The following MALRD1 variants were observed in gnomAD, a reference collection of about 807,000 sequenced individuals.
The protein encoded by MALRD1 is MAM and LDL-receptor class A domain-containing protein 1.
A neutral mutation model predicts 242.1 loss-of-function variants in MALRD1; 247 were observed. The observed-to-expected ratio is 1.02, with a 90% CI of 0.92 to 1.13. MALRD1 has a LOEUF of 1.13. Ranked by LOEUF, MALRD1 falls within the 50% of genes most tolerant of loss-of-function variation. The probability of loss-of-function intolerance (pLI) is 0.00; values close to 1 mark genes in which losing one functional copy is unlikely to be tolerated. For missense variants in MALRD1, 2,989 were observed against 2,533.1 expected, an observed-to-expected ratio of 1.18 and a Z score of -3.86; for synonymous variants, 995 against 866.6, an observed-to-expected ratio of 1.15 and a Z score of -2.60.
intron 5 of MALRD1, among the ~76,000 whole-genome samples, chr10:19,114,170 T>A (rs1212089216): frequency 6.6e-6 from 1 of 152,174 alleles, no homozygotes; most frequent in African/African-American, 2.4e-5. Flanking sequence ...TGTTTTAGTA[T>A]GAAAAATGAA....
At chr10:19,375,011 A>G (rs958203590) in intron 26 of MALRD1, among the ~76,000 whole-genome samples, 1 of 152,154 alleles carries the variant, frequency 6.6e-6, no homozygotes. Context: ...AATGGTCACA[A>G]AGTGAAATGG....
At chr10:19,248,157 G>T (rs1156603620) in intron 18 of MALRD1, among the ~76,000 whole-genome samples, 1 of 151,980 alleles carries the variant, frequency 6.6e-6, no homozygotes, top group Non-Finnish European at 1.5e-5. Context: ...TACATACTAA[G>T]GTTGCTGTTT....
Position 19,125,443 on chromosome 10 carries a change from C to T in MALRD1, c.943+773C>T, listed in dbSNP as rs75845416. ...CTTCCTTCTTTCTTTCTTTCTTTCTCTCTTTCAACACTGCTCTGTTGTCAA... is the reference window on the plus strand; with the variant it reads ...CTTCCTTCTTTCTTTCTTTCTTTCTTTCTTTCAACACTGCTCTGTTGTCAA... On this transcript the variant is annotated intron_variant, in intron 7 of 39. Transcript: ENST00000454679. 1.3e-4 allele frequency among the ~76,000 whole-genome samples: 18 copies of T among 140,876 alleles called. 1 individual carries two copies. The South Asian group carries it at 3.3e-3, about 26-fold the overall frequency. 92.4% of individuals were successfully genotyped at this position (140,876 alleles called of 152,430 possible).
At chr10:19,640,409 G>T (rs917609862) in intron 36 of MALRD1, among the ~76,000 whole-genome samples, 20 of 152,074 alleles carry the variant, frequency 1.3e-4, no homozygotes, top group South Asian at 2.1e-4. Context: ...TCTACTCACT[G>T]GCTGACATTC....
chr10:19,557,196 C>A (rs1310496484), intron 32 of MALRD1, among the ~76,000 whole-genome samples: 3 of 151,848 alleles, frequency 2.0e-5, no homozygotes, highest in South Asian at 2.1e-4. Context: ...AATACCAGGC[C>A]TTATCAGATA....
In MALRD1 at chr10:19,692,591, G is replaced by A. The variant is rs139203416; in HGVS notation, c.6314+37G>A. 951 of 1,462,752 alleles carry A rather than the reference G, an allele frequency of 6.5e-4. 3 individuals carry two copies. In the East Asian group the frequency reaches 0.01, roughly 16 times the overall value. The allele number at this position is 1,462,752 out of a possible 1,614,324, so 90.6% of individuals were successfully genotyped here. A position where few individuals can be genotyped will look rare whatever the true frequency, so the allele number is the denominator to read the frequency against. ...CTTTAGTTGCTAAATGAAATATACC[G>A]TAGCAGAAAAATTTTCTTCAACATT... On this transcript the variant is annotated intron_variant, in intron 38 of 39. Coordinates refer to ENST00000454679, the MANE Select transcript of MALRD1 (RefSeq NM_001142308.3).
At chr10:19,636,765 G>A (rs906935856) in intron 36 of MALRD1, among the ~76,000 whole-genome samples, 1 of 151,860 alleles carries the variant, frequency 6.6e-6, no homozygotes, top group Non-Finnish European at 1.5e-5. Flanking sequence ...CAGGCGCGGT[G>A]GCATGTGCCT....
chr10:19,488,978 C>T (rs112165212), intron 29 of MALRD1: 47,803 of 438,246 alleles, frequency 0.11, 3,000 homozygotes, highest in Non-Finnish European at 0.15. Context: ...GAGGAGAAGG[C>T]GGGCTCCCAA....
At chr10:19,458,259 C>T (rs1835763430) in intron 29 of MALRD1, among the ~76,000 whole-genome samples, 1 of 152,000 alleles carries the variant, frequency 6.6e-6, no homozygotes, top group Non-Finnish European at 1.5e-5. Context: ...TAACTAAATC[C>T]CTGCAAATAT....
rs1839754221 is a variant in MALRD1, at chr10:19,261,575, G to A, written c.3079+3804G>A. On this transcript the variant is annotated intron_variant, in intron 19 of 39. Coordinates refer to ENST00000454679, the MANE Select transcript of MALRD1 (RefSeq NM_001142308.3). Reference sequence around the variant, plus strand: ...CATTGATTTCCTTTTAATATTAACTGATTATTTGTTTATAGCATTTTTCTT... The same window carrying A: ...CATTGATTTCCTTTTAATATTAACTAATTATTTGTTTATAGCATTTTTCTT... Among the ~76,000 whole-genome samples the A allele has an allele frequency of 2.7e-5, 4 of 150,938 alleles. No individual in the cohort carries two copies. In the South Asian group the frequency reaches 8.4e-4, roughly 32 times the overall value.
intron 8 of MALRD1, among the ~76,000 whole-genome samples, chr10:19,131,304 A>G (rs1833093888): frequency 6.6e-6 from 1 of 152,162 alleles, no homozygotes; most frequent in Non-Finnish European, 1.5e-5. Flanking sequence ...AATATCTAGC[A>G]AGAATGCTGA....
chr10:19,673,497 T>C (rs915588874), intron 36 of MALRD1, among the ~76,000 whole-genome samples: 1 of 152,244 alleles, frequency 6.6e-6, no homozygotes, highest in African/African-American at 2.4e-5. Context: ...ACTCTTATAT[T>C]CAGATTGCCA....
intron 36 of MALRD1, among the ~76,000 whole-genome samples, chr10:19,676,909 A>G (rs1475106199): frequency 2.0e-5 from 3 of 152,204 alleles, no homozygotes; most frequent in Non-Finnish European, 4.4e-5. Flanking sequence ...AAGTGAGAAC[A>G]TTCAGTGTTT....
At chr10:19,226,173 A>G (rs192854676) in intron 18 of MALRD1, among the ~76,000 whole-genome samples, 6 of 152,336 alleles carry the variant, frequency 3.9e-5, no homozygotes, top group Admixed American at 1.3e-4. Context: ...AGTGGGATTT[A>G]TCTCAAGTTG....
At chr10:19,180,341 G>A (rs1028634081) in intron 14 of MALRD1, among the ~76,000 whole-genome samples, 1 of 152,158 alleles carries the variant, frequency 6.6e-6, no homozygotes, top group East Asian at 1.9e-4. Flanking sequence ...TATACCAAGA[G>A]ATTTGGTAAG....
intron 33 of MALRD1, among the ~76,000 whole-genome samples, chr10:19,592,765 A>ACG (rs536825872): frequency 6.9e-6 from 1 of 145,172 alleles, no homozygotes; most frequent in African/African-American, 2.5e-5. Context: ...ACACACACGC[A>ACG]CGCACACACA....
chr10:19,597,768 C>T (rs1247327104), intron 34 of MALRD1, among the ~76,000 whole-genome samples: 2 of 152,116 alleles, frequency 1.3e-5, no homozygotes, highest in Non-Finnish European at 2.9e-5. Flanking sequence ...AGACAAGCAC[C>T]TCGTGTTAGA....
chr10:19,585,581 C>G (rs1307019471), intron 33 of MALRD1, among the ~76,000 whole-genome samples: 1 of 152,132 alleles, frequency 6.6e-6, no homozygotes, highest in Non-Finnish European at 1.5e-5. Context: ...TGTAGAGTTT[C>G]TGCTGAGAGA....
At chr10:19,425,876 A>G (rs1833886697) in intron 28 of MALRD1, among the ~76,000 whole-genome samples, 1 of 152,152 alleles carries the variant, frequency 6.6e-6, no homozygotes, top group South Asian at 2.1e-4. Context: ...CTACCAGCTC[A>G]TTCATTAGTC....
Sources: gnomAD v4.1 joint callset for allele counts (sites outside exome capture counted in the v4.1 genomes callset) on GRCh38, gnomAD v4.1.1 for gene constraint, MANE v1.5 for transcripts, NCBI Gene and HGNC (gene_info 2026-07-23, HGNC 2026-07-21) for gene names.